Variants in EML1 observed in about 807,000 individuals in gnomAD.
EML1 encodes EMAP like 1.
A neutral mutation model predicts 110.4 loss-of-function variants in EML1; 27 were observed. That is an observed-to-expected ratio of 0.24 (90% confidence interval 0.18 to 0.34). The LOEUF (loss-of-function observed/expected upper bound fraction) is 0.34, where lower values mean the gene tolerates loss of function less well. Among genes scored for constraint, EML1 ranks in the 10% least tolerant of loss-of-function variants. The probability of loss-of-function intolerance (pLI) is 1.00; values close to 1 mark genes in which losing one functional copy is unlikely to be tolerated. For missense variants in EML1, 741 were observed against 1,030.9 expected (o/e 0.72, Z 3.85); for synonymous variants, 344 against 385.8 (o/e 0.89, Z 1.27).
At chr14:99,760,391 C>T (rs2057302447) in intron 1 of EML1, among the ~76,000 whole-genome samples, 1 of 152,152 alleles carries the variant, frequency 6.6e-6, no homozygotes, top group African/African-American at 2.4e-5. Flanking sequence ...GCATTTCCCA[C>T]ATTGCTGCAT....
chr14:99,934,734 T>A (rs1261331489), intron 17 of EML1, among the ~76,000 whole-genome samples: 1 of 152,234 alleles, frequency 6.6e-6, no homozygotes, highest in Non-Finnish European at 1.5e-5. Context: ...CCAGTCCTTC[T>A]TTTTGCTTGC....
intron 6 of EML1, 76 bp from the exon 7 acceptor site, chr14:99,897,069 C>A: frequency 7.6e-7 from 1 of 1,323,750 alleles, no homozygotes; most frequent in Non-Finnish European, 1.0e-6. Context: ...TATTTTATTG[C>A]CTGTGCCTGT....
At chr14:99,785,036 G>C (rs1179340843) in intron 1 of EML1, among the ~76,000 whole-genome samples, 2 of 152,086 alleles carry the variant, frequency 1.3e-5, no homozygotes, top group South Asian at 2.1e-4. Context: ...TCGCTATGTA[G>C]GCTTCTTTTT....
chr14:99,898,178 G>A (rs898418257), intron 7 of EML1, 55 bp from the exon 8 acceptor site: 25 of 1,459,038 alleles, frequency 1.7e-5, no homozygotes, highest in African/African-American at 2.8e-5. Flanking sequence ...TTGAGCAAGG[G>A]AAAAGTAAAA....
intron 1 of EML1, among the ~76,000 whole-genome samples, chr14:99,779,678 T>C (rs1227715151): frequency 6.6e-6 from 1 of 152,234 alleles, no homozygotes; most frequent in Non-Finnish European, 1.5e-5. Context: ...CACTTTTGCC[T>C]GGACAGCAGA....
At chr14:99,758,462 G>T (rs914266475) in intron 1 of EML1, among the ~76,000 whole-genome samples, 2 of 152,154 alleles carry the variant, frequency 1.3e-5, no homozygotes, top group Non-Finnish European at 2.9e-5. Context: ...ACCCTGATTT[G>T]TGCAGCCTGG....
chr14:99,746,918 C>T (rs2057115679), intron 1 of EML1, among the ~76,000 whole-genome samples: 1 of 152,128 alleles, frequency 6.6e-6, no homozygotes, highest in Non-Finnish European at 1.5e-5. Flanking sequence ...ATCTGCCGCG[C>T]CCTGCCCTGG....
At chr14:99,840,693 C>T (rs2058618532) in intron 1 of EML1, among the ~76,000 whole-genome samples, 1 of 152,138 alleles carries the variant, frequency 6.6e-6, no homozygotes, top group South Asian at 2.1e-4. Context: ...CCACTTTAAC[C>T]TCCGGGAATA....
In EML1 at chr14:99,894,661, C is replaced by T. The variant is rs577805530; in HGVS notation, c.580C>T (p.Arg194Cys). The T allele has an allele frequency of 1.9e-5, 30 of 1,612,448 alleles. No individual in the cohort carries two copies. The highest frequency in any genetic ancestry group is 1.7e-4 in the Middle Eastern group (1 of 6,056). The change falls in exon 6 of 22, where the codon CGC (arginine) becomes TGC (cysteine). Residue 194 changes from arginine (R) to cysteine (C), a missense_variant. By Grantham distance (180) the Arg-to-Cys change is radical. This residue lies in a region of EML1 where 226 missense variants were observed against 255.6 expected (regional missense o/e 0.88). Transcript: ENST00000262233. ...EGYVKMFLRG[R>C]PVTMYMPKDQ... The stretch of plus-strand genomic sequence containing the variant: ...CTATGTAAAAATGTTTCTTCGTGGA[C>T]GCCCTGTTACCATGTACATGCCCAA...
intron 1 of EML1, among the ~76,000 whole-genome samples, chr14:99,833,211 T>TTGTGTG (rs1158814191): frequency 6.6e-6 from 1 of 152,224 alleles, no homozygotes; most frequent in Non-Finnish European, 1.5e-5. Flanking sequence ...TGAGGTTCTT[T>TTGTGTG]TGTGTGTGTG....
chr14:99,910,297 C>T lies in EML1; in HGVS notation c.1295C>T (p.Thr432Ile). 1 of 1,613,400 alleles carries T rather than the reference C, an allele frequency of 6.2e-7. No individual in the cohort carries two copies. The highest frequency in any genetic ancestry group is 8.5e-7 in the Non-Finnish European group (1 of 1,179,774). Residue 432 changes from threonine to isoleucine, a missense_variant, in exon 12 of 22, where the codon ACC becomes ATC. Around this residue, in one of 4 missense-constraint regions of EML1, gnomAD observed 388 missense variants for 605.6 expected, o/e 0.64. Coordinates refer to ENST00000262233, the MANE Select transcript of EML1 (RefSeq NM_004434.3). Reference protein sequence around the residue: ...LCVTFSENGDTITGDSSGNIL... With the variant: ...LCVTFSENGDIITGDSSGNIL... ...GTGACTTTCTCTGAAAACGGTGACACCATTACTGGAGATTCAAGTGGCAAC... is the reference window on the plus strand; with the variant it reads ...GTGACTTTCTCTGAAAACGGTGACATCATTACTGGAGATTCAAGTGGCAAC...
intron 1 of EML1, among the ~76,000 whole-genome samples, chr14:99,802,058 T>C (rs1595302167): frequency 6.6e-6 from 1 of 152,240 alleles, no homozygotes; most frequent in East Asian, 1.9e-4. Flanking sequence ...GGGGGGCATG[T>C]ATCAGGGCGG....
chr14:99,856,854 T>C (rs565378622), intron 2 of EML1, among the ~76,000 whole-genome samples: 55 of 152,380 alleles, frequency 3.6e-4, no homozygotes, highest in African/African-American at 1.3e-3. Context: ...TGGTCAGTTT[T>C]CATTATGACC....
At chr14:99,910,445 G>A (rs2059928645) in intron 12 of EML1, 104 bp downstream of exon 12, 1 of 891,880 alleles carries the variant, frequency 1.1e-6, no homozygotes, top group African/African-American at 1.7e-5. Flanking sequence ...ACAGGAGTAG[G>A]ATGAAATTTC....
chr14:99,893,439 A>G (rs2059621365), intron 5 of EML1, among the ~76,000 whole-genome samples: 3 of 152,152 alleles, frequency 2.0e-5, no homozygotes. Context: ...GGCAGGGATG[A>G]TCGCGTTCAT....
intron 1 of EML1, among the ~76,000 whole-genome samples, chr14:99,832,113 A>T (rs940581795): frequency 1.3e-5 from 2 of 152,074 alleles, no homozygotes; most frequent in Admixed American, 6.6e-5. Flanking sequence ...GTGTAATCTT[A>T]TGTAACTGGA....
intron 4 of EML1, among the ~76,000 whole-genome samples, chr14:99,890,593 G>A (rs1281520266): frequency 6.6e-6 from 1 of 152,166 alleles, no homozygotes; most frequent in African/African-American, 2.4e-5. Context: ...CCCAAGTGCT[G>A]TCATGGGGTG....
Position 99,894,744 on chromosome 14 carries a change from C to T in EML1, c.663C>T (p.Leu221=), listed in dbSNP as rs1239292362. 6.2e-7 allele frequency: 1 copy of T among 1,612,670 alleles called. No homozygotes were observed. Among genetic ancestry groups the T allele is most frequent in the Non-Finnish European group, 8.5e-7 (1 of 1,179,380 alleles). The part of the protein sequence containing the change: ...EAKVELPTKR[L]KLEWVYGYRG... Reference sequence around the variant, plus strand: ...AAGTAGAACTTCCAACCAAGAGACTCAAGCTGGAATGGGTGTATCCTTTAT... The same window carrying T: ...AAGTAGAACTTCCAACCAAGAGACTTAAGCTGGAATGGGTGTATCCTTTAT... Residue 221 remains leucine, a synonymous_variant, in exon 6 of 22, where the codon CTC becomes CTT. Coordinates refer to ENST00000262233, the MANE Select transcript of EML1 (RefSeq NM_004434.3).
In EML1 at chr14:99,870,788, C is replaced by T. The variant is rs578017869; in HGVS notation, c.383+5142C>T. Among the ~76,000 whole-genome samples, 8 of 152,266 alleles carry T rather than the reference C, an allele frequency of 5.3e-5. No individual in the cohort carries two copies. The East Asian group carries it at 1.4e-3, about 26-fold the overall frequency. On this transcript the variant is annotated intron_variant, in intron 3 of 21. Coordinates refer to ENST00000262233, the MANE Select transcript of EML1 (RefSeq NM_004434.3). ...TAGCCCATTGTTGAGGCCTACTGCT[C>T]GGAAGAAAAAGCTTCCTTTCCAAAT...
Sources: gnomAD v4.1 joint callset for allele counts (sites outside exome capture counted in the v4.1 genomes callset) on GRCh38, gnomAD v4.1.1 for gene constraint, gnomAD v4.1.1 regional missense constraint, MANE v1.5 for transcripts, NCBI Gene and HGNC (gene_info 2026-07-23, HGNC 2026-07-21) for gene names.